Variants in PTPRG observed in about 807,000 individuals in gnomAD.
PTPRG encodes the protein protein tyrosine phosphatase receptor type G.
PTPRG carries 102 observed loss-of-function variants against 165.3 expected under a neutral mutation model. The ratio of observed to expected loss-of-function variants is 0.62; its 90% CI spans 0.53 to 0.73. The LOEUF (loss-of-function observed/expected upper bound fraction) is 0.73. Among genes scored for constraint, PTPRG ranks in the 30% least tolerant of loss-of-function variants. The pLI, the probability that PTPRG is intolerant of heterozygous loss-of-function variation, is 0.00. For missense variants in PTPRG, 1,866 were observed against 1,861.4 expected, an observed-to-expected ratio of 1.00 and a Z score of -0.05; for synonymous variants, 675 against 669.5, an observed-to-expected ratio of 1.01 and a Z score of -0.13.
At position 62,203,899 on chromosome 3, in the gene PTPRG, TC is replaced by T; in HGVS notation, c.2107del (p.Arg703AlafsTer24). 1 of 1,606,872 alleles carries T rather than the reference TC, an allele frequency of 6.2e-7. No individual in the cohort carries two copies. The highest frequency in any genetic ancestry group is 8.5e-7 in the Non-Finnish European group (1 of 1,176,668). ...CGAAATGCCATCTAAAAAGCCTATG[TC>T]CCGCGGGGACCGATTTTCTGAAGAC... is the stretch of plus-strand genomic sequence containing the variant. ...RPEMPSKKPM[S>X]RGDRFSEDSR... On this transcript the variant is annotated frameshift_variant, in exon 12 of 30. Transcript: ENST00000474889. LOFTEE classifies it high-confidence loss of function. This position sits in a 1 kb window ranked among gnomAD's most constrained non-coding sequence, Gnocchi z 6.4.
intron 28 of PTPRG, among the ~76,000 whole-genome samples, chr3:62,285,230 TTG>T (rs1274047652): frequency 7.9e-5 from 12 of 152,160 alleles, no homozygotes; most frequent in Non-Finnish European, 1.3e-4. Flanking sequence ...GTGTTTTAAA[TTG>T]TGGTAACTTA....
chr3:61,666,636 A>G (rs1215766622), intron 1 of PTPRG, among the ~76,000 whole-genome samples: 1 of 152,236 alleles, frequency 6.6e-6, no homozygotes, highest in East Asian at 1.9e-4. Context: ...TCAAAACCTA[A>G]GGCAGAGTTG....
At position 61,748,942 on chromosome 3, in the gene PTPRG, C is replaced by G. The variant is rs898187112; in HGVS notation, c.150C>G (p.Arg50=). ...ENRHGSAVQI[R]RRKASGDPYW... is the part of the protein sequence containing the mutation. Reference sequence around the variant, plus strand: ...GACACGGCAGCGCAGTGCAGATCCGCAGGCGCAAGGCTTCAGGCGACCCGT... The same window carrying G: ...GACACGGCAGCGCAGTGCAGATCCGGAGGCGCAAGGCTTCAGGCGACCCGT... Residue 50 remains arginine (R), a synonymous_variant, in exon 2 of 30, where the codon CGC becomes CGG. Coordinates refer to ENST00000474889, the MANE Select transcript of PTPRG (RefSeq NM_002841.4). 3.7e-6 allele frequency: 6 copies of G among 1,612,070 alleles called. No homozygotes were observed. Among genetic ancestry groups the G allele is most frequent in the Non-Finnish European group, 4.2e-6 (5 of 1,179,176 alleles).
rs1576161584 is a variant in PTPRG, at chr3:62,231,230, G to A, written c.2294G>A (p.Cys765Tyr). ...LIAVLVYWRG[C>Y]NKIKSKGFPR... ...TTTGTTTTTTGTCCATTTAGAGGGT[G>A]TAACAAAATAAAGTCCAAGGGCTTT... is the stretch of plus-strand genomic sequence containing the variant. The change falls in exon 14 of 30, where the codon TGT (cysteine) becomes TAT (tyrosine). Residue 765 changes from cysteine (C) to tyrosine (Y), a missense_variant. Around this residue, in one of 3 missense-constraint regions of PTPRG, gnomAD observed 1,452 missense variants for 1,463.0 expected, o/e 0.99. Transcript: ENST00000474889. 3 of 1,573,260 alleles carry A rather than the reference G, an allele frequency of 1.9e-6. No individual in the cohort carries two copies. The highest frequency in any genetic ancestry group is 1.4e-5 in the African/African-American group (1 of 73,090).
chr3:62,075,196 T>C (rs10490774), intron 4 of PTPRG, among the ~76,000 whole-genome samples: 7,079 of 152,246 alleles, frequency 0.046, 536 homozygotes, highest in African/African-American at 0.16. Flanking sequence ...TTAAAGTATT[T>C]TGTATCACAC....
intron 8 of PTPRG, among the ~76,000 whole-genome samples, chr3:62,182,950 C>T (rs946618790): frequency 2.0e-5 from 3 of 152,174 alleles, no homozygotes; most frequent in East Asian, 1.9e-4. Flanking sequence ...CCACTACGCC[C>T]GGCTAACAGT....
intron 7 of PTPRG, among the ~76,000 whole-genome samples, chr3:62,158,868 T>C (rs369130244): frequency 1.3e-5 from 2 of 152,104 alleles, no homozygotes; most frequent in African/African-American, 4.8e-5. Flanking sequence ...CTTAAGGAGA[T>C]AATGAAATAA....
At chr3:61,784,992 A>G (rs916626052) in intron 2 of PTPRG, among the ~76,000 whole-genome samples, 2 of 152,208 alleles carry the variant, frequency 1.3e-5, no homozygotes, top group African/African-American at 4.8e-5. Flanking sequence ...GTATATCAAT[A>G]TGTTGTCACT....
intron 5 of PTPRG, among the ~76,000 whole-genome samples, chr3:62,108,779 ATTTCTCTAATGACCAGTGATGATGAGCT>A (rs1378883827): frequency 6.6e-6 from 1 of 152,068 alleles, no homozygotes; most frequent in Non-Finnish European, 1.5e-5. Context: ...TTTGATTTGC[ATTTCTCTAATGACCAGTGATGATGAGCT>A]TTTTTCCATG....
chr3:61,602,267 G>A (rs546177169), intron 1 of PTPRG, among the ~76,000 whole-genome samples: 1 of 152,044 alleles, frequency 6.6e-6, no homozygotes, highest in East Asian at 1.9e-4. Context: ...ACAGTGTCTC[G>A]TTCATAGCTT....
At chr3:62,287,112 G>C (rs542749608) in intron 28 of PTPRG, among the ~76,000 whole-genome samples, 2 of 152,048 alleles carry the variant, frequency 1.3e-5, no homozygotes, top group African/African-American at 4.8e-5. Flanking sequence ...TGCATACTCC[G>C]TAAAAACATA....
intron 7 of PTPRG, among the ~76,000 whole-genome samples, chr3:62,160,290 C>A (rs1369449698): frequency 6.6e-6 from 1 of 152,178 alleles, no homozygotes; most frequent in Non-Finnish European, 1.5e-5. Flanking sequence ...TCTCTTGTTC[C>A]CTTTTGTGAG....
intron 1 of PTPRG, among the ~76,000 whole-genome samples, chr3:61,643,913 A>T (rs1167338839): frequency 6.6e-6 from 1 of 152,210 alleles, no homozygotes; most frequent in Non-Finnish European, 1.5e-5. Context: ...TTTCATTCTG[A>T]GTTGACCATT....
intron 2 of PTPRG, among the ~76,000 whole-genome samples, chr3:61,764,634 G>T (rs1211757544): frequency 6.6e-6 from 1 of 152,186 alleles, no homozygotes; most frequent in African/African-American, 2.4e-5. Context: ...ACTGAGCCTT[G>T]TGGCTATGTG....
At chr3:61,609,310 G>A (rs9838265) in intron 1 of PTPRG, among the ~76,000 whole-genome samples, 29,174 of 151,902 alleles carry the variant, frequency 0.19, 3,298 homozygotes, top group African/African-American at 0.31. Flanking sequence ...CCATTTCTAC[G>A]TATCATCTTG....
In PTPRG at chr3:62,152,054, T is replaced by A. The variant is rs115962576; in HGVS notation, c.683-5013T>A. Among the ~76,000 whole-genome samples, 497 of 152,308 alleles carry A rather than the reference T, an allele frequency of 3.3e-3. 3 individuals carry two copies. The highest frequency in any genetic ancestry group is 0.011 in the African/African-American group (464 of 41,554). On this transcript the variant is annotated intron_variant, in intron 6 of 29. Transcript: ENST00000474889. ...CTAGCTCTAGCACTTCTCCCCATTTTATAATATCTACATTTATTAAGATTT... is the reference window on the plus strand; with the variant it reads ...CTAGCTCTAGCACTTCTCCCCATTTAATAATATCTACATTTATTAAGATTT...
At chr3:62,064,742 T>G (rs1042962404) in intron 4 of PTPRG, among the ~76,000 whole-genome samples, 1 of 143,886 alleles carries the variant, frequency 6.9e-6, no homozygotes, top group African/African-American at 2.6e-5. Flanking sequence ...TTTTTTTTTT[T>G]TTTTTTTGAG....
At chr3:61,876,070 A>C (rs987667779) in intron 2 of PTPRG, among the ~76,000 whole-genome samples, 1 of 152,390 alleles carries the variant, frequency 6.6e-6, no homozygotes, top group South Asian at 2.1e-4. Flanking sequence ...GCCCAATATC[A>C]GTCAGTGAAA....
chr3:61,783,200 C>T (rs562801539), intron 2 of PTPRG, among the ~76,000 whole-genome samples: 5 of 152,210 alleles, frequency 3.3e-5, no homozygotes, highest in African/African-American at 1.2e-4. Flanking sequence ...ATTAGTTGGA[C>T]ATGGTAGCAT....
Sources: gnomAD v4.1 joint callset for allele counts (sites outside exome capture counted in the v4.1 genomes callset) on GRCh38, gnomAD v4.1.1 for gene constraint, gnomAD v4.1.1 regional missense constraint, Gnocchi (gnomAD v3.1) non-coding constraint, MANE v1.5 for transcripts, NCBI Gene and HGNC (gene_info 2026-07-23, HGNC 2026-07-21) for gene names.